Variants in CROT observed in about 807,000 individuals in gnomAD.
The protein encoded by CROT is carnitine O-octanoyltransferase, also known as peroxisomal carnitine O-octanoyltransferase.
Under a neutral mutation model 89.2 loss-of-function variants are expected in CROT, and 84 were observed. The observed-to-expected ratio is 0.94, with a 90% confidence interval of 0.79 to 1.13. The LOEUF is 1.13. CROT is among the 50% of genes most tolerant of loss of function. The pLI is 0.00. For missense variants in CROT, 711 were observed against 727.8 expected, an observed-to-expected ratio of 0.98 and a Z score of 0.27; for synonymous variants, 212 against 239.5, an observed-to-expected ratio of 0.89 and a Z score of 1.06.
intron 7 of CROT, among the ~76,000 whole-genome samples, chr7:87,373,591 A>G (rs1022697329): frequency 1.3e-5 from 2 of 152,150 alleles, no homozygotes; most frequent in African/African-American, 4.8e-5. Flanking sequence ...ATATACATTT[A>G]GTTGGAAATG....
At chr7:87,354,097 T>A (rs1260477311) in intron 3 of CROT, among the ~76,000 whole-genome samples, 1 of 152,194 alleles carries the variant, frequency 6.6e-6, no homozygotes, top group Non-Finnish European at 1.5e-5. Flanking sequence ...CTGAAAACAT[T>A]TGATCAAAAC....
intron 3 of CROT, chr7:87,357,540 AT>A (rs1806121628): frequency 9.3e-6 from 14 of 1,508,772 alleles, no homozygotes; most frequent in Non-Finnish European, 1.3e-5. Flanking sequence ...AGGGGTCTTG[AT>A]CCAGATGCTA....
At position 87,375,884 on chromosome 7, in the gene CROT, T is replaced by G; in HGVS notation, c.807T>G (p.Ile269Met). The G allele has an allele frequency of 6.2e-7, 1 of 1,613,516 alleles. No homozygotes were observed. The highest frequency in any genetic ancestry group is 8.5e-7 in the Non-Finnish European group (1 of 1,179,550). The change falls in exon 9 of 18, where the codon ATT becomes ATG. Residue 269 changes from isoleucine to methionine, a missense_variant. Transcript: ENST00000331536. ...AGAACTTGGCTTTGTTAGAAAAAAT[T>G]CAGAGTAGTTTACTGGTATATTCCA... ...DPENLALLEK[I>M]QSSLLVYSME...
At chr7:87,382,383 T>C in intron 12 of CROT, 30 bp from the exon 13 acceptor site, 2 of 1,602,674 alleles carry the variant, frequency 1.2e-6, no homozygotes, top group Non-Finnish European at 8.5e-7. Flanking sequence ...AGGTGATTTT[T>C]CACCGTTCTC....
intron 7 of CROT, among the ~76,000 whole-genome samples, chr7:87,372,776 T>C (rs1256630099): frequency 6.6e-6 from 1 of 152,190 alleles, no homozygotes; most frequent in African/African-American, 2.4e-5. Context: ...TTTTAGCATG[T>C]ATGAATACTT....
At chr7:87,358,120 T>C (rs1391014644) in intron 3 of CROT, among the ~76,000 whole-genome samples, 1 of 152,152 alleles carries the variant, frequency 6.6e-6, no homozygotes, top group African/African-American at 2.4e-5. Context: ...TCTAGACTTG[T>C]AATAAAGTAT....
Position 87,359,274 on chromosome 7 carries a change from A to G in CROT, c.184A>G (p.Ile62Val). ...AATAGTTCAAAAATTTCAAAGTGGG[A>G]TTGGAGAAAAATTGCACCAGAAATT... ...EEIVQKFQSG[I>V]GEKLHQKLLE... Residue 62 changes from isoleucine (I) to valine (V), a missense_variant, in exon 4 of 18, where the codon ATT (isoleucine) becomes GTT (valine). Physicochemically the swap from Ile to Val is conservative, Grantham distance 29 (BLOSUM62 3). Transcript: ENST00000331536. 6.3e-7 allele frequency: 1 copy of G among 1,599,086 alleles called. No homozygotes were observed. The highest frequency in any genetic ancestry group is 2.2e-5 in the East Asian group (1 of 44,674).
chr7:87,349,370 C>G (rs1805799907), intron 3 of CROT, among the ~76,000 whole-genome samples, 187 bp downstream of exon 3: 1 of 152,018 alleles, frequency 6.6e-6, no homozygotes, highest in Non-Finnish European at 1.5e-5. Flanking sequence ...GAAAGCTTCT[C>G]CATTATAGAG....
At chr7:87,388,595 C>T (rs1416874206) in intron 13 of CROT, among the ~76,000 whole-genome samples, 1 of 152,104 alleles carries the variant, frequency 6.6e-6, no homozygotes, top group Admixed American at 6.5e-5. Context: ...GAAACTGGAC[C>T]CCTTCCTTAT....
rs74852365 is a variant in CROT at position 87,366,665 on chromosome 7, G to A, written c.548-2711G>A. ...TTCATGGCTCCATTCCTACTTCCCCGTCTTCACTTCTTTCTGGTTCTTCAC... is the reference window on the plus strand; with the variant it reads ...TTCATGGCTCCATTCCTACTTCCCCATCTTCACTTCTTTCTGGTTCTTCAC... On this transcript the variant is annotated intron_variant, in intron 6 of 17. Transcript: ENST00000331536. 7.0e-3 allele frequency among the ~76,000 whole-genome samples: 1,059 copies of A among 152,076 alleles called. 13 individuals carry two copies. Among genetic ancestry groups the A allele is most frequent in the African/African-American group, 0.024 (987 of 41,492 alleles).
Position 87,349,092 on chromosome 7 carries a change from A to G in CROT, c.24A>G (p.Ser8=), listed in dbSNP as rs757379228. Residue 8 remains serine, a synonymous_variant, in exon 3 of 18, where the codon TCA becomes TCG. Coordinates refer to ENST00000331536, the MANE Select transcript of CROT (RefSeq NM_021151.4). The stretch of plus-strand genomic sequence containing the variant: ...TCATGGAAAATCAATTGGCTAAATC[A>G]ACTGAAGAACGAACATTTCAGTACC... MENQLAK[S]TEERTFQYQD... is the part of the protein sequence containing the mutation. 17 of 1,603,656 alleles carry G rather than the reference A, an allele frequency of 1.1e-5. No individual in the cohort carries two copies. The highest frequency in any genetic ancestry group is 1.7e-4 in the Middle Eastern group (1 of 6,040).
At chr7:87,359,784 A>G (rs538323786) in intron 4 of CROT, 2 of 985,210 alleles carry the variant, frequency 2.0e-6, no homozygotes, top group South Asian at 4.7e-5. Context: ...TGTATATTGT[A>G]TATTTCAGTT....
At chr7:87,351,540 G>A (rs1328577887) in intron 3 of CROT, among the ~76,000 whole-genome samples, 1 of 150,524 alleles carries the variant, frequency 6.6e-6, no homozygotes. Flanking sequence ...AATAGATCAA[G>A]TTTAATATTA....
At chr7:87,374,688 AG>A (rs940028525) in intron 7 of CROT, among the ~76,000 whole-genome samples, 3 of 152,002 alleles carry the variant, frequency 2.0e-5, no homozygotes, top group Non-Finnish European at 4.4e-5. Flanking sequence ...GCAAATAACA[AG>A]GGGGGAATTT....
intron 7 of CROT, among the ~76,000 whole-genome samples, chr7:87,370,907 T>A (rs1247091579): frequency 6.6e-6 from 1 of 152,204 alleles, no homozygotes; most frequent in Non-Finnish European, 1.5e-5. Flanking sequence ...ATGCCAGTTT[T>A]CCAAAGTAGT....
At chr7:87,361,968 A>C (rs962996026) in intron 6 of CROT, 116 bp downstream of exon 6, 42 of 953,788 alleles carry the variant, frequency 4.4e-5, no homozygotes, top group Non-Finnish European at 4.0e-5. Context: ...TTGACAAAGA[A>C]AGGTTTTCTG....
chr7:87,358,589 G>A (rs952182552), intron 3 of CROT, among the ~76,000 whole-genome samples: 1 of 151,634 alleles, frequency 6.6e-6, no homozygotes, highest in East Asian at 1.9e-4. Context: ...AATTATTTAA[G>A]TTAGAGTAAA....
At chr7:87,371,530 A>G (rs1806630717) in intron 7 of CROT, among the ~76,000 whole-genome samples, 1 of 152,200 alleles carries the variant, frequency 6.6e-6, no homozygotes, top group Non-Finnish European at 1.5e-5. Flanking sequence ...TAAAATATCT[A>G]TGGTTTGATA....
At chr7:87,383,184 CT>C (rs1807078946) in intron 13 of CROT, among the ~76,000 whole-genome samples, 1 of 152,172 alleles carries the variant, frequency 6.6e-6, no homozygotes, top group South Asian at 2.1e-4. Flanking sequence ...AGTCAACCTA[CT>C]GTGCTATCGA....
Sources: allele counts gnomAD v4.1 joint callset (sites outside exome capture counted in the v4.1 genomes callset), GRCh38; gene constraint gnomAD v4.1.1; transcripts MANE v1.5; gene names NCBI Gene and HGNC (gene_info 2026-07-23, HGNC 2026-07-21).